The following DHX32 variants were observed in gnomAD, a reference collection of about 807,000 sequenced individuals.
DHX32 encodes the protein putative pre-mRNA-splicing factor ATP-dependent RNA helicase DHX32.
DHX32 carries 51 observed loss-of-function variants against 70.0 expected under a neutral mutation model. That is an observed-to-expected ratio of 0.73 (90% CI 0.58 to 0.92). The LOEUF (loss-of-function observed/expected upper bound fraction) is 0.92, where lower values mean the gene tolerates loss of function less well. DHX32 is among the 40% of genes least tolerant of loss of function. The pLI is 0.00. For missense variants in DHX32, 762 were observed against 891.8 expected (o/e 0.85, Z 1.85); for synonymous variants, 310 against 315.3 (o/e 0.98, Z 0.18).
chr10:125,880,820 TC>T lies in DHX32; in HGVS notation c.4del (p.Glu2LysfsTer55). 2 of 1,609,620 alleles carry T rather than the reference TC, an allele frequency of 1.2e-6. No individual in the cohort carries two copies. Among genetic ancestry groups the T allele is most frequent in the Non-Finnish European group, 1.7e-6 (2 of 1,178,106 alleles). Reference sequence around the variant, plus strand: ...GTTTGGACACTCCAGCCCTTCTTCTTCCATCTTGTCTGACAGTGAGCTCACG... The same window carrying T: ...GTTTGGACACTCCAGCCCTTCTTCTTCATCTTGTCTGACAGTGAGCTCACG... M[E>X]EEGLECPNSS... is the part of the protein sequence containing the mutation. On this transcript the variant is annotated frameshift_variant, in exon 1 of 11. Transcript: ENST00000284690. LOFTEE classifies it high-confidence loss of function.
At chr10:125,846,202 G>A (rs1944017387) in intron 6 of DHX32, among the ~76,000 whole-genome samples, 1 of 152,162 alleles carries the variant, frequency 6.6e-6, no homozygotes, top group Non-Finnish European at 1.5e-5. Flanking sequence ...TTACAGCCAG[G>A]AAGCTGGCCC....
At chr10:125,883,041 G>A (rs971581676), upstream of DHX32, among the ~76,000 whole-genome samples, 1 of 152,052 alleles carries the variant, frequency 6.6e-6, no homozygotes, top group Non-Finnish European at 1.5e-5. Context: ...TTACCAAAAA[G>A]AAATGTTTCT....
At chr10:125,883,624 C>T (rs921235754), upstream of DHX32, among the ~76,000 whole-genome samples, 1 of 152,166 alleles carries the variant, frequency 6.6e-6, no homozygotes, top group African/African-American at 2.4e-5. Flanking sequence ...TCCACAGGAG[C>T]CCATACAACC....
intron 1 of DHX32, among the ~76,000 whole-genome samples, chr10:125,892,635 C>A (rs1334887733): frequency 6.6e-6 from 1 of 152,164 alleles, no homozygotes; most frequent in African/African-American, 2.4e-5. Context: ...CCTGTTTACC[C>A]TTTATGACAT....
At chr10:125,865,615 G>T (rs1319396483) in intron 2 of DHX32, among the ~76,000 whole-genome samples, 2 of 151,966 alleles carry the variant, frequency 1.3e-5, no homozygotes, top group African/African-American at 4.8e-5. Context: ...CTGCAGCCTC[G>T]ATTTCCTGGA....
At chr10:125,894,178 A>G (rs1944387773) in intron 1 of DHX32, among the ~76,000 whole-genome samples, 1 of 152,252 alleles carries the variant, frequency 6.6e-6, no homozygotes, top group Non-Finnish European at 1.5e-5. Flanking sequence ...ATAAAACACA[A>G]TGGTAGAAAA....
chr10:125,893,988 C>T (rs1944386652), intron 1 of DHX32, among the ~76,000 whole-genome samples: 1 of 152,042 alleles, frequency 6.6e-6, no homozygotes, highest in Non-Finnish European at 1.5e-5. Context: ...TTCATTGTTA[C>T]TTTGTTATTC....
At chr10:125,879,100 T>A (rs1944302818) in intron 1 of DHX32, among the ~76,000 whole-genome samples, 1 of 139,248 alleles carries the variant, frequency 7.2e-6, no homozygotes, top group Non-Finnish European at 1.5e-5. Context: ...CATGGCTCAC[T>A]GCAGCCTTGA....
chr10:125,848,575 G>A (rs1944053015), intron 6 of DHX32, among the ~76,000 whole-genome samples: 1 of 152,182 alleles, frequency 6.6e-6, no homozygotes, highest in Non-Finnish European at 1.5e-5. Context: ...AGCTGATGCT[G>A]GACTCCCAAG....
intron 6 of DHX32, among the ~76,000 whole-genome samples, chr10:125,843,021 A>G (rs373845252): frequency 6.6e-6 from 1 of 151,982 alleles, no homozygotes; most frequent in East Asian, 1.9e-4. Flanking sequence ...TTTTGCACCA[A>G]CCTAATATTT....
rs961798949 is a variant in DHX32, at chr10:125,866,021, G to A, written c.476+969C>T. ...AAGCAGAGCTTCCCCAATGCTGTGCGTGGCACACTGTATGCCACACAAATG... is the reference window on the plus strand; with the variant it reads ...AAGCAGAGCTTCCCCAATGCTGTGCATGGCACACTGTATGCCACACAAATG... On this transcript the variant is annotated intron_variant, in intron 2 of 10. Coordinates refer to ENST00000284690, the MANE Select transcript of DHX32 (RefSeq NM_018180.3). This position sits in a 1 kb window ranked among gnomAD's most constrained non-coding sequence, Gnocchi z 4.8. Among the ~76,000 whole-genome samples, 5 of 152,202 alleles carry A rather than the reference G, an allele frequency of 3.3e-5. No homozygotes were observed. The highest frequency in any genetic ancestry group is 1.3e-4 in the Admixed American group (2 of 15,284).
chr10:125,868,436 T>C (rs1944236291), intron 1 of DHX32, among the ~76,000 whole-genome samples: 1 of 152,234 alleles, frequency 6.6e-6, no homozygotes, highest in African/African-American at 2.4e-5. Context: ...ATCTGAATTC[T>C]CACTGTAATT....
At chr10:125,840,763 G>A in intron 8 of DHX32, 84 bp downstream of exon 8, 1 of 1,427,108 alleles carries the variant, frequency 7.0e-7, no homozygotes, top group South Asian at 1.6e-5. Context: ...GGCGAAGAAT[G>A]TTTGATGAAT....
At chr10:125,875,229 T>C (rs917048298) in intron 1 of DHX32, among the ~76,000 whole-genome samples, 14 of 151,374 alleles carry the variant, frequency 9.2e-5, no homozygotes, top group Admixed American at 5.3e-4. Flanking sequence ...AAAAAAAAAA[T>C]TGCAATGATA....
rs1336194048 is a variant in DHX32, at chr10:125,880,581, T to C, written c.244A>G (p.Ile82Val). ...MENLLQNQIV[I>V]VSGDAKCGKS... ...CCACATTTAGCATCTCCTGAAACAA[T>C]CACGATTTGATTTTGAAGCAGGTTC... The change falls in exon 1 of 11, where the codon ATT becomes GTT. Residue 82 changes from isoleucine to valine, a missense_variant. Ile to Val is a conservative substitution (Grantham distance 29). This residue lies in a region of DHX32 where 394 missense variants were observed against 473.1 expected (regional missense o/e 0.83). Coordinates refer to ENST00000284690, the MANE Select transcript of DHX32 (RefSeq NM_018180.3). 6.2e-7 allele frequency: 1 copy of C among 1,612,722 alleles called. No individual in the cohort carries two copies. The highest frequency in any genetic ancestry group is 8.5e-7 in the Non-Finnish European group (1 of 1,179,054).
At chr10:125,888,202 ATTT>A (rs36204414) in intron 1 of DHX32, among the ~76,000 whole-genome samples, 5 of 132,810 alleles carry the variant, frequency 3.8e-5, no homozygotes, top group Admixed American at 2.3e-4. Context: ...TGAGCAATGC[ATTT>A]TTTTTTTTTT....
chr10:125,894,410 C>T (rs78095759), intron 1 of DHX32, among the ~76,000 whole-genome samples: 1 of 152,172 alleles, frequency 6.6e-6, no homozygotes, highest in African/African-American at 2.4e-5. Context: ...CATTTCAGTG[C>T]CTTTACGCCT....
upstream of DHX32, among the ~76,000 whole-genome samples, chr10:125,882,655 T>C (rs991697321): frequency 5.9e-5 from 9 of 152,164 alleles, no homozygotes; most frequent in Non-Finnish European, 1.2e-4. Flanking sequence ...TAAAAATTCA[T>C]CTAAAAGCCA....
intron 1 of DHX32, among the ~76,000 whole-genome samples, chr10:125,878,357 G>C (rs757222585): frequency 3.3e-5 from 5 of 152,252 alleles, no homozygotes; most frequent in African/African-American, 9.6e-5. Context: ...AGAAGACATC[G>C]ACTTACATCT....
Sources: allele counts gnomAD v4.1 joint callset (sites outside exome capture counted in the v4.1 genomes callset), GRCh38; gene constraint gnomAD v4.1.1; regional missense constraint gnomAD v4.1.1; non-coding constraint Gnocchi (gnomAD v3.1); transcripts MANE v1.5; gene names NCBI Gene and HGNC (gene_info 2026-07-23, HGNC 2026-07-21).